Variants in PROM1 observed in about 807,000 individuals in gnomAD.
PROM1 encodes prominin-1.
In PROM1, 105 loss-of-function variants were observed where a neutral mutation model predicts 116.9. The ratio of observed to expected loss-of-function variants is 0.90; its 90% confidence interval spans 0.77 to 1.06. The LOEUF (loss-of-function observed/expected upper bound fraction) is 1.06, where lower values mean the gene tolerates loss of function less well. Ranked by LOEUF, PROM1 falls within the 50% of genes least tolerant of loss-of-function variation. PROM1 has a pLI of 0.00. For synonymous variants in PROM1, 393 were observed against 387.0 expected (o/e 1.02, Z -0.18); for missense variants, 1,122 against 1,045.2 (o/e 1.07, Z -1.01).
intron 26 of PROM1, among the ~76,000 whole-genome samples, chr4:15,978,529 T>C (rs1219413529): frequency 1.3e-5 from 2 of 152,236 alleles, no homozygotes; most frequent in African/African-American, 4.8e-5. Context: ...GCTGTGGGCT[T>C]ACCTGAATGT....
At chr4:16,018,732 TC>T (rs1481695675) in intron 8 of PROM1, among the ~76,000 whole-genome samples, 192 bp from the exon 9 acceptor site, 1 of 152,078 alleles carries the variant, frequency 6.6e-6, no homozygotes, top group African/African-American at 2.4e-5. Context: ...TCCAACTAGC[TC>T]CACTCTTCCA....
chr4:16,076,189 A>G, intron 1 of PROM1, 71 bp from the exon 2 acceptor site: 2 of 396,610 alleles, frequency 5.0e-6, no homozygotes, highest in Non-Finnish European at 8.7e-6. Flanking sequence ...CTGCCCGGAG[A>G]GGACGCTGCA....
intron 2 of PROM1, among the ~76,000 whole-genome samples, chr4:16,041,787 T>TAAATAAATAA (rs1398054156): frequency 1.2e-5 from 1 of 81,548 alleles, no homozygotes; most frequent in Non-Finnish European, 2.3e-5. Context: ...AATAAATAAA[T>TAAATAAATAA]ATATATATAT....
rs1485571011 is a variant in PROM1, at chr4:16,018,484, G to A, written c.841C>T (p.His281Tyr). 1 of 1,612,934 alleles carries A rather than the reference G, an allele frequency of 6.2e-7. No individual in the cohort carries two copies. Among genetic ancestry groups the A allele is most frequent in the Admixed American group, 1.7e-5 (1 of 59,974 alleles). The change falls in exon 9 of 28, where the codon CAC becomes TAC. Residue 281 changes from histidine (H) to tyrosine (Y), a missense_variant. By Grantham distance (83) the His-to-Tyr change is moderately conservative. Transcript: ENST00000447510. ...CTGCTAAGCTGTGTACTTTGTTGGT[G>A]CAAGCTCTTCAAGGTGCTGTTCATG... ...ENMNSTLKSL[H>Y]QQSTQLSSSL...
chr4:15,979,743 A>G, intron 25 of PROM1, 138 bp downstream of exon 25: 1 of 925,102 alleles, frequency 1.1e-6, no homozygotes, highest in Non-Finnish European at 1.6e-6. Context: ...AGACCATTGC[A>G]ATTTATTTTT....
chr4:16,000,077 G>A (rs1723371588), intron 14 of PROM1, among the ~76,000 whole-genome samples: 1 of 152,164 alleles, frequency 6.6e-6, no homozygotes, highest in African/African-American at 2.4e-5. Context: ...TTCAAATATA[G>A]GGCTCATCTG....
intron 27 of PROM1, among the ~76,000 whole-genome samples, chr4:15,970,183 T>G (rs1411467918): frequency 2.6e-5 from 4 of 150,972 alleles, no homozygotes; most frequent in Non-Finnish European, 5.9e-5. Context: ...TTTTTTTTTT[T>G]GTGATGGAGT....
At chr4:15,984,655 G>T (rs1718872454) in intron 22 of PROM1, among the ~76,000 whole-genome samples, 1 of 152,186 alleles carries the variant, frequency 6.6e-6, no homozygotes, top group Non-Finnish European at 1.5e-5. Flanking sequence ...CAGAGCAGCA[G>T]CAGCATTAGA....
At chr4:16,005,348 T>G (rs1165668325) in intron 13 of PROM1, among the ~76,000 whole-genome samples, 5 of 152,150 alleles carry the variant, frequency 3.3e-5, no homozygotes, top group African/African-American at 1.2e-4. Context: ...AGACCTCAGG[T>G]CATTAGCTCT....
intron 13 of PROM1, chr4:16,003,191 C>A (rs1724311697): frequency 2.4e-6 from 1 of 422,664 alleles, no homozygotes; most frequent in South Asian, 1.7e-5. Flanking sequence ...ATTTCAGGGG[C>A]CATGTGATCT....
At chr4:16,022,883 A>T (rs1186277190) in intron 8 of PROM1, among the ~76,000 whole-genome samples, 2 of 152,196 alleles carry the variant, frequency 1.3e-5, no homozygotes, top group Non-Finnish European at 2.9e-5. Context: ...CTAAATGTCT[A>T]TAGGTTCCTC....
At chr4:15,980,606 A>G (rs1463853993) in intron 23 of PROM1, 69 bp from the exon 24 acceptor site, 2 of 727,330 alleles carry the variant, frequency 2.7e-6, no homozygotes, top group South Asian at 1.9e-5. Flanking sequence ...TGTTTGGGGG[A>G]TTTTTTTTTT....
intron 2 of PROM1, among the ~76,000 whole-genome samples, chr4:16,052,606 T>A (rs1738138513): frequency 6.6e-6 from 1 of 152,068 alleles, no homozygotes; most frequent in Non-Finnish European, 1.5e-5. Context: ...GTCTCCTGAG[T>A]AGCTGGGACT....
intron 2 of PROM1, among the ~76,000 whole-genome samples, chr4:16,057,954 T>C (rs1252211555): frequency 1.3e-5 from 2 of 152,148 alleles, no homozygotes; most frequent in South Asian, 2.1e-4. Context: ...CAGAGTCCTA[T>C]ACCTGTGGCG....
At chr4:16,018,634 G>A (rs1250929691) in intron 8 of PROM1, 94 bp from the exon 9 acceptor site, 6 of 1,109,284 alleles carry the variant, frequency 5.4e-6, no homozygotes, top group Non-Finnish European at 7.9e-6. Context: ...ACTGGTAAAT[G>A]ACTTTAGATG....
intron 2 of PROM1, among the ~76,000 whole-genome samples, chr4:16,062,176 C>T (rs55937602): frequency 0.023 from 3,503 of 152,242 alleles, 58 homozygotes; most frequent in Middle Eastern, 0.065. Flanking sequence ...CAGGCGTGAG[C>T]CACCGCACCC....
chr4:15,996,632 T>C (rs770293808), intron 15 of PROM1, among the ~76,000 whole-genome samples: 31 of 152,350 alleles, frequency 2.0e-4, no homozygotes, highest in African/African-American at 3.8e-4. Context: ...ATTAAATGTG[T>C]GCATATTTCA....
At chr4:16,032,569 G>A (rs936956006) in intron 5 of PROM1, among the ~76,000 whole-genome samples, 14 of 152,262 alleles carry the variant, frequency 9.2e-5, no homozygotes, top group South Asian at 4.2e-4. Context: ...AAACAGTGGC[G>A]GAATGAATGA....
rs1346935455 is a variant in PROM1, at chr4:15,969,146, T to A, written c.*247A>T. 6.6e-6 allele frequency: 1 copy of A among 152,056 alleles called. No homozygotes were observed. Among genetic ancestry groups the A allele is most frequent in the African/African-American group, 2.4e-5 (1 of 41,400 alleles). 9.4% of individuals were successfully genotyped at this position (152,056 alleles called of 1,614,324 possible). ...AGTGTAAAAAAGTAAAAAACAAAAA[T>A]AGACAGGAAGGGAGGGAGTCATCCT... On this transcript the variant is annotated 3_prime_UTR_variant, in exon 28 of 28. Coordinates refer to ENST00000447510, the MANE Select transcript of PROM1 (RefSeq NM_006017.3).
Sources: allele counts gnomAD v4.1 joint callset (sites outside exome capture counted in the v4.1 genomes callset), GRCh38; gene constraint gnomAD v4.1.1; transcripts MANE v1.5; gene names NCBI Gene and HGNC (gene_info 2026-07-23, HGNC 2026-07-21).